DPP10: variants seen among roughly 807,000 people sequenced by gnomAD.
DPP10 encodes the protein inactive dipeptidyl peptidase 10.
A neutral mutation model predicts 120.9 loss-of-function variants in DPP10; 33 were observed. The ratio of observed to expected loss-of-function variants is 0.27; its 90% CI spans 0.21 to 0.37. The LOEUF (loss-of-function observed/expected upper bound fraction) is 0.37, where lower values mean the gene tolerates loss of function less well. Among genes scored for constraint, DPP10 ranks in the 10% least tolerant of loss-of-function variants. The probability of loss-of-function intolerance (pLI) is 1.00; values close to 1 mark genes in which losing one functional copy is unlikely to be tolerated. For missense variants in DPP10, 816 were observed against 942.8 expected (o/e 0.87, Z 1.76); for synonymous variants, 337 against 326.1 (o/e 1.03, Z -0.36).
chr2:114,468,981 T>C (rs1312435285), intron 1 of DPP10, among the ~76,000 whole-genome samples: 1 of 152,136 alleles, frequency 6.6e-6, no homozygotes, highest in African/African-American at 2.4e-5. Context: ...CAAATGAAAA[T>C]GGGCTTCCTA....
intron 1 of DPP10, among the ~76,000 whole-genome samples, chr2:114,679,486 G>A (rs1406073271): frequency 6.6e-6 from 1 of 151,892 alleles, no homozygotes; most frequent in Non-Finnish European, 1.5e-5. Flanking sequence ...CAATCCAGGA[G>A]GTGAGTTGCC....
At chr2:115,136,194 T>A (rs949718154) in intron 1 of DPP10, among the ~76,000 whole-genome samples, 2 of 152,054 alleles carry the variant, frequency 1.3e-5, no homozygotes, top group African/African-American at 4.8e-5. Context: ...AAATAGCAAT[T>A]ATTGTGCAGC....
At chr2:114,674,779 G>A (rs1295109896) in intron 1 of DPP10, among the ~76,000 whole-genome samples, 1 of 152,200 alleles carries the variant, frequency 6.6e-6, no homozygotes, top group African/African-American at 2.4e-5. Flanking sequence ...TCCCAGTGAA[G>A]TACTGCATCA....
intron 24 of DPP10, 46 bp from the exon 25 acceptor site, chr2:115,840,704 T>G: frequency 6.4e-7 from 1 of 1,556,776 alleles, no homozygotes; most frequent in Non-Finnish European, 8.8e-7. Context: ...AAAGTTCTCA[T>G]ACAAGCAGTG....
At chr2:115,586,577 A>G (rs910983987) in intron 5 of DPP10, among the ~76,000 whole-genome samples, 1 of 152,212 alleles carries the variant, frequency 6.6e-6, no homozygotes, top group Admixed American at 6.5e-5. Flanking sequence ...TAATGGAAGA[A>G]AATGCCTGTT....
chr2:115,242,604 T>C (rs1437290657), intron 1 of DPP10, among the ~76,000 whole-genome samples: 1 of 152,160 alleles, frequency 6.6e-6, no homozygotes, highest in Non-Finnish European at 1.5e-5. Context: ...CCATAGTGGT[T>C]GTGCTAGTTT....
chr2:115,227,442 T>C (rs188669826), intron 1 of DPP10, among the ~76,000 whole-genome samples: 2 of 152,308 alleles, frequency 1.3e-5, no homozygotes. Context: ...TTCATTGAAA[T>C]GTAATTTGCA....
intron 1 of DPP10, among the ~76,000 whole-genome samples, chr2:115,301,352 A>G (rs1323353681): frequency 6.6e-6 from 1 of 151,910 alleles, no homozygotes; most frequent in Admixed American, 6.6e-5. Flanking sequence ...GAGAGCTCCA[A>G]TTGAGGCAAG....
chr2:115,763,813 C>A lies in DPP10; in HGVS notation c.1113+1203C>A, dbSNP rs557546489. On this transcript the variant is annotated intron_variant, in intron 12 of 25. Coordinates refer to ENST00000410059, the MANE Select transcript of DPP10 (RefSeq NM_020868.6). ...CTTCTTTCTGTCCTTCAGATAAAGA[C>A]CAACATCCTTAAAAGGTCCACAAGG... 5.3e-5 allele frequency among the ~76,000 whole-genome samples: 8 copies of A among 152,270 alleles called. No homozygotes were observed. The South Asian group carries it at 1.7e-3, about 32-fold the overall frequency.
intron 7 of DPP10, among the ~76,000 whole-genome samples, chr2:115,720,926 CG>C (rs1377579469): frequency 6.6e-6 from 1 of 151,904 alleles, no homozygotes; most frequent in Non-Finnish European, 1.5e-5. Context: ...GGTGGTGGGC[CG>C]GGAGCCAAAA....
chr2:115,184,953 C>T (rs1187982931), intron 1 of DPP10, among the ~76,000 whole-genome samples: 1 of 152,162 alleles, frequency 6.6e-6, no homozygotes, highest in Non-Finnish European at 1.5e-5. Flanking sequence ...AGGATACAAT[C>T]ATCATTGCTT....
intron 1 of DPP10, among the ~76,000 whole-genome samples, chr2:114,548,526 A>G (rs1687608123): frequency 1.3e-5 from 2 of 152,086 alleles, no homozygotes; most frequent in Admixed American, 1.3e-4. Flanking sequence ...GATTGGAGAG[A>G]TATCTAGAAA....
At chr2:114,655,785 T>C (rs2105512528) in intron 1 of DPP10, among the ~76,000 whole-genome samples, 1 of 152,284 alleles carries the variant, frequency 6.6e-6, no homozygotes, top group East Asian at 1.9e-4. Flanking sequence ...ATTTTTTCCA[T>C]TAAAAAAAGA....
chr2:115,727,260 T>C lies in DPP10; in HGVS notation c.577-556T>C, dbSNP rs571159190. Among the ~76,000 whole-genome samples the C allele has an allele frequency of 5.2e-5, 7 of 135,292 alleles. No individual in the cohort carries two copies. The South Asian group carries it at 1.8e-3, about 34-fold the overall frequency. The allele number at this position is 135,292 out of a possible 152,430, so 88.8% of individuals were successfully genotyped here. ...TTTACAAAAGAGTTGCCAAGACTGG[T>C]GCACTGGAAGCTGTGTTCCACTTAT... is the stretch of plus-strand genomic sequence containing the variant. On this transcript the variant is annotated intron_variant, in intron 7 of 25. Transcript: ENST00000410059.
chr2:114,477,892 C>CATGTGTGTATATATGTACAT (rs1680611335), intron 1 of DPP10, among the ~76,000 whole-genome samples: 3 of 114,004 alleles, frequency 2.6e-5, no homozygotes, highest in African/African-American at 8.9e-5. Context: ...TATATATGTA[C>CATGTGTGTATATATGTACAT]ATATGTGTAT....
intron 11 of DPP10, among the ~76,000 whole-genome samples, chr2:115,754,753 G>A (rs1322262963): frequency 1.3e-5 from 2 of 152,040 alleles, no homozygotes; most frequent in East Asian, 3.8e-4. Flanking sequence ...AAAATATCCA[G>A]TAAAAGCTGA....
intron 5 of DPP10, among the ~76,000 whole-genome samples, chr2:115,602,955 C>T (rs1432641055): frequency 6.6e-6 from 1 of 151,970 alleles, no homozygotes; most frequent in Admixed American, 6.6e-5. Flanking sequence ...TTTAAGGGAA[C>T]TGAAAATTAT....
chr2:115,016,707 T>G (rs1377312047), intron 1 of DPP10, among the ~76,000 whole-genome samples: 1 of 150,730 alleles, frequency 6.6e-6, no homozygotes, highest in African/African-American at 2.4e-5. Flanking sequence ...TGAACAGACA[T>G]TTCTCAAAAG....
chr2:115,451,266 C>G, intron 3 of DPP10, among the ~76,000 whole-genome samples: 1 of 151,970 alleles, frequency 6.6e-6, no homozygotes, highest in Non-Finnish European at 1.5e-5. Flanking sequence ...ATAATTAGAA[C>G]TAGATGTGAA....
Sources: gnomAD v4.1 joint callset for allele counts (sites outside exome capture counted in the v4.1 genomes callset) on GRCh38, gnomAD v4.1.1 for gene constraint, MANE v1.5 for transcripts, NCBI Gene and HGNC (gene_info 2026-07-23, HGNC 2026-07-21) for gene names.